DDX21: variants seen among roughly 807,000 people sequenced by gnomAD.
The protein encoded by DDX21 is nucleolar RNA helicase 2.
Under a neutral mutation model 90.0 loss-of-function variants are expected in DDX21, and 18 were observed. The ratio of observed to expected loss-of-function variants is 0.20; its 90% CI spans 0.14 to 0.30. The LOEUF (loss-of-function observed/expected upper bound fraction) is 0.30. Ranked by LOEUF, DDX21 falls within the 10% of genes least tolerant of loss-of-function variation. The probability of loss-of-function intolerance (pLI) is 1.00; values close to 1 mark genes in which losing one functional copy is unlikely to be tolerated. For missense variants in DDX21, 673 were observed against 944.5 expected, an observed-to-expected ratio of 0.71 and a Z score of 3.77; for synonymous variants, 294 against 318.0, an observed-to-expected ratio of 0.92 and a Z score of 0.80.
chr10:68,969,062 A>C lies in DDX21; in HGVS notation c.1177A>C (p.Thr393Pro). The C allele has an allele frequency of 6.2e-7, 1 of 1,614,102 alleles. No individual in the cohort carries two copies. Among genetic ancestry groups the C allele is most frequent in the Non-Finnish European group, 8.5e-7 (1 of 1,180,006 alleles). Residue 393 changes from threonine (T) to proline (P), a missense_variant, in exon 7 of 15, where the codon ACA becomes CCA. Physicochemically the swap from Thr to Pro is conservative, Grantham distance 38. Around this residue, in one of 4 missense-constraint regions of DDX21, gnomAD observed 218 missense variants for 347.3 expected, o/e 0.63. Coordinates refer to ENST00000354185, the MANE Select transcript of DDX21 (RefSeq NM_004728.4). ...TGTTGCCAAGAAATACATGAAATCT[A>C]CATATGAACAGGTGGACCTGATTGG... ...FNVAKKYMKSTYEQVDLIGKK... is the reference protein window; with the variant it reads ...FNVAKKYMKSPYEQVDLIGKK...
At chr10:68,966,719 G>A (rs1842943475) in intron 5 of DDX21, among the ~76,000 whole-genome samples, 2 of 152,030 alleles carry the variant, frequency 1.3e-5, no homozygotes, top group Admixed American at 6.6e-5. Flanking sequence ...GGGATTACAG[G>A]CGTGACCCAC....
At chr10:68,976,704 C>T (rs1269780683) in intron 11 of DDX21, among the ~76,000 whole-genome samples, 1 of 152,060 alleles carries the variant, frequency 6.6e-6, no homozygotes, top group African/African-American at 2.4e-5. Context: ...GGTTAGATGG[C>T]CAAGAAGGGG....
intron 11 of DDX21, among the ~76,000 whole-genome samples, chr10:68,976,734 T>C (rs543607268): frequency 1.3e-5 from 2 of 152,282 alleles, no homozygotes; most frequent in African/African-American, 2.4e-5. Context: ...AAGATGCTGG[T>C]GGTATACAAC....
In DDX21 at chr10:68,977,786, C is replaced by T. The variant is rs1353964717; in HGVS notation, c.1902+98C>T. 2.1e-5 allele frequency: 27 copies of T among 1,300,526 alleles called. No individual in the cohort carries two copies. In the East Asian group the frequency reaches 4.5e-4, roughly 22 times the overall value. 80.6% of individuals were successfully genotyped at this position (1,300,526 alleles called of 1,614,324 possible). Reference sequence around the variant, plus strand: ...AGCTTCCCAGTTGTTTTCATTTTCTCATGAAGTTAGTAAAGTATTAATTGT... The same window carrying T: ...AGCTTCCCAGTTGTTTTCATTTTCTTATGAAGTTAGTAAAGTATTAATTGT... On this transcript the variant is annotated intron_variant, in intron 12 of 14. Transcript: ENST00000354185.
At chr10:68,966,965 C>A in intron 5 of DDX21, 53 bp from the exon 6 acceptor site, 1 of 1,515,820 alleles carries the variant, frequency 6.6e-7, no homozygotes, top group Non-Finnish European at 9.0e-7. Flanking sequence ...GTACCCCACA[C>A]AGATAAAAGT....
chr10:68,967,252 G>C (rs1842951916), intron 6 of DDX21, 49 bp downstream of exon 6: 1 of 1,561,790 alleles, frequency 6.4e-7, no homozygotes, highest in Non-Finnish European at 8.7e-7. Context: ...AGGAAGGGTG[G>C]TAACTCTGTC....
intron 12 of DDX21, 67 bp from the exon 13 acceptor site, chr10:68,978,775 A>G (rs1843143645): frequency 6.5e-7 from 1 of 1,543,926 alleles, no homozygotes; most frequent in African/African-American, 1.4e-5. Flanking sequence ...GAATCACAAA[A>G]GCAGGTATTT....
chr10:68,961,605 A>C (rs1355920052), intron 2 of DDX21, among the ~76,000 whole-genome samples: 1 of 152,186 alleles, frequency 6.6e-6, no homozygotes, highest in Admixed American at 6.5e-5. Context: ...ATGTCTTGAA[A>C]TCTACTTACT....
chr10:68,965,799 C>T (rs1589284555), intron 5 of DDX21, among the ~76,000 whole-genome samples: 1 of 130,714 alleles, frequency 7.7e-6, no homozygotes, highest in African/African-American at 3.2e-5. Flanking sequence ...ATTCAAGGTT[C>T]CTCTTGTCTG....
At chr10:68,981,853 GTGTGTGTGTGTGTGTGTGTGCA>G (rs1365085047) in intron 14 of DDX21, among the ~76,000 whole-genome samples, 1 of 148,510 alleles carries the variant, frequency 6.7e-6, no homozygotes, top group Non-Finnish European at 1.5e-5. Context: ...TATAGATTTT[GTGTGTGTGTGTGTGTGTGTGCA>G]TGTGTGTGTG....
At position 68,963,484 on chromosome 10, in the gene DDX21, T is replaced by C. The variant is rs755094110; in HGVS notation, c.786+15T>C. 9 of 1,597,132 alleles carry C rather than the reference T, an allele frequency of 5.6e-6. No individual in the cohort carries two copies. Among genetic ancestry groups the C allele is most frequent in the Non-Finnish European group, 6.0e-6 (7 of 1,172,716 alleles). ...GTGCCCCTCAGGTAACTGTCTTAAA[T>C]ACAAGGGCTCTCAGTCAGCATAGGA... is the stretch of plus-strand genomic sequence containing the variant. On this transcript the variant is annotated intron_variant, in intron 4 of 14. Coordinates refer to ENST00000354185, the MANE Select transcript of DDX21 (RefSeq NM_004728.4).
intron 7 of DDX21, 109 bp from the exon 8 acceptor site, chr10:68,970,092 C>T: frequency 3.6e-6 from 4 of 1,098,038 alleles, no homozygotes; most frequent in Non-Finnish European, 3.8e-6. Context: ...TAGTTGTTTC[C>T]AGGAGCAAGA....
chr10:68,956,253 G>C lies in DDX21; in HGVS notation c.28G>C (p.Gly10Arg), dbSNP rs760679933. The C allele has an allele frequency of 1.2e-5, 20 of 1,614,160 alleles. No individual in the cohort carries two copies. Among genetic ancestry groups the C allele is most frequent in the Non-Finnish European group, 1.7e-5 (20 of 1,180,016 alleles). Residue 10 changes from glycine (G) to arginine (R), a missense_variant, in exon 1 of 15, where the codon GGT (glycine) becomes CGT (arginine). Physicochemically the swap from Gly to Arg is moderately radical, Grantham distance 125. Around this residue, in one of 4 missense-constraint regions of DDX21, gnomAD observed 204 missense variants for 221.6 expected, o/e 0.92. Coordinates refer to ENST00000354185, the MANE Select transcript of DDX21 (RefSeq NM_004728.4). ...GCCGGGAAAACTCCGTAGTGACGCTGGTTTGGAATCAGACACCGCAATGAA... is the reference window on the plus strand; with the variant it reads ...GCCGGGAAAACTCCGTAGTGACGCTCGTTTGGAATCAGACACCGCAATGAA... MPGKLRSDA[G>R]LESDTAMKKG...
intron 11 of DDX21, 138 bp downstream of exon 11, chr10:68,974,881 T>C: frequency 1.7e-6 from 1 of 597,948 alleles, no homozygotes; most frequent in Non-Finnish European, 2.9e-6. Flanking sequence ...TTGCCCAGGC[T>C]GGTCTCAACT....
chr10:68,982,106 G>A (rs1564631106), intron 14 of DDX21, among the ~76,000 whole-genome samples: 2 of 152,072 alleles, frequency 1.3e-5, no homozygotes, highest in Admixed American at 6.6e-5. Flanking sequence ...ACTCCTGACC[G>A]CGGGTGATCC....
chr10:68,965,288 G>T, intron 4 of DDX21, 89 bp from the exon 5 acceptor site: 2 of 1,013,538 alleles, frequency 2.0e-6, no homozygotes, highest in South Asian at 2.9e-5. Flanking sequence ...TGTTCAAGTC[G>T]TTCTTTTCCT....
At chr10:68,980,197 G>A (rs969770744) in intron 13 of DDX21, among the ~76,000 whole-genome samples, 4 of 152,030 alleles carry the variant, frequency 2.6e-5, no homozygotes, top group African/African-American at 7.2e-5. Context: ...CCGAGATCGC[G>A]CCATTACACT....
intron 12 of DDX21, among the ~76,000 whole-genome samples, chr10:68,977,977 G>A (rs756439401): frequency 3.5e-4 from 53 of 152,040 alleles, no homozygotes; most frequent in Non-Finnish European, 5.1e-4. Flanking sequence ...TTAGCTGGGC[G>A]TGGTGACATG....
chr10:68,962,290 C>T (rs1007081269), intron 3 of DDX21, 133 bp downstream of exon 3: 2 of 634,210 alleles, frequency 3.2e-6, no homozygotes, highest in South Asian at 2.1e-5. Context: ...ATGAAGTAGG[C>T]CTGTGTATTC....
Sources: allele counts gnomAD v4.1 joint callset (sites outside exome capture counted in the v4.1 genomes callset), GRCh38; gene constraint gnomAD v4.1.1; regional missense constraint gnomAD v4.1.1; transcripts MANE v1.5; gene names NCBI Gene and HGNC (gene_info 2026-07-23, HGNC 2026-07-21).